The following TMEM178B variants were observed in gnomAD, a reference collection of about 807,000 sequenced individuals.
The protein encoded by TMEM178B is transmembrane protein 178B.
A neutral mutation model predicts 31.0 loss-of-function variants in TMEM178B; 5 were observed. The observed-to-expected ratio is 0.16, with a 90% confidence interval of 0.08 to 0.34. The LOEUF is 0.34. Ranked by LOEUF, TMEM178B falls within the 10% of genes least tolerant of loss-of-function variation. The probability of loss-of-function intolerance (pLI) is 1.00; values close to 1 mark genes in which losing one functional copy is unlikely to be tolerated. For synonymous variants in TMEM178B, 164 were observed against 164.0 expected, an observed-to-expected ratio of 1.00 and a Z score of 0.00; for missense variants, 275 against 400.3, an observed-to-expected ratio of 0.69 and a Z score of 2.67.
chr7:141,213,416 G>A (rs569075920), intron 2 of TMEM178B, among the ~76,000 whole-genome samples: 3 of 152,278 alleles, frequency 2.0e-5, no homozygotes, highest in East Asian at 3.9e-4. Context: ...TCTGTGGCAG[G>A]AGAGCTCTGC....
At chr7:141,331,877 A>T (rs373903287) in intron 2 of TMEM178B, among the ~76,000 whole-genome samples, 23 of 151,726 alleles carry the variant, frequency 1.5e-4, no homozygotes, top group African/African-American at 5.6e-4. Context: ...TCTCTTTGTA[A>T]CTCTCTTTGT....
intron 1 of TMEM178B, among the ~76,000 whole-genome samples, chr7:141,207,544 T>C (rs1341883625): frequency 6.6e-6 from 1 of 152,242 alleles, no homozygotes; most frequent in African/African-American, 2.4e-5. Context: ...TGATTAGTGA[T>C]GTTGGGCATC....
chr7:141,350,168 A>C (rs1799694908), intron 2 of TMEM178B, among the ~76,000 whole-genome samples: 1 of 152,142 alleles, frequency 6.6e-6, no homozygotes, highest in Admixed American at 6.5e-5. Context: ...AAACACAAGA[A>C]AACCAGTTGA....
intron 2 of TMEM178B, among the ~76,000 whole-genome samples, chr7:141,289,177 C>T (rs1798501278): frequency 1.3e-5 from 2 of 152,112 alleles, no homozygotes; most frequent in Non-Finnish European, 2.9e-5. Flanking sequence ...CATGCCTTTG[C>T]CAAGACATGG....
At chr7:141,434,782 C>T (rs1427150888) in intron 2 of TMEM178B, among the ~76,000 whole-genome samples, 1 of 152,306 alleles carries the variant, frequency 6.6e-6, no homozygotes, top group South Asian at 2.1e-4. Context: ...ACACCCGTCC[C>T]AGCCTCTGGT....
chr7:141,085,580 C>G (rs1415390541), intron 1 of TMEM178B, among the ~76,000 whole-genome samples: 1 of 151,952 alleles, frequency 6.6e-6, no homozygotes, highest in African/African-American at 2.4e-5. Context: ...CCCTGCTGTT[C>G]TATATTCTGG....
intron 1 of TMEM178B, among the ~76,000 whole-genome samples, chr7:141,187,925 G>C (rs1463853238): frequency 6.6e-6 from 1 of 152,112 alleles, no homozygotes; most frequent in African/African-American, 2.4e-5. Flanking sequence ...TTCTTTTGCT[G>C]TGCAGAAGCT....
intron 1 of TMEM178B, among the ~76,000 whole-genome samples, chr7:141,194,085 C>T (rs1367287271): frequency 6.6e-6 from 1 of 152,184 alleles, no homozygotes; most frequent in African/African-American, 2.4e-5. Context: ...CCTCTCATAA[C>T]ACCTGGGAGT....
chr7:141,190,583 T>A (rs1166657039), intron 1 of TMEM178B, among the ~76,000 whole-genome samples: 1 of 152,126 alleles, frequency 6.6e-6, no homozygotes. Context: ...GGTGTTCGGA[T>A]TACAGGCAGG....
intron 2 of TMEM178B, among the ~76,000 whole-genome samples, chr7:141,423,975 A>ATT (rs35143389): frequency 1.6e-4 from 23 of 143,124 alleles, no homozygotes; most frequent in South Asian, 9.0e-4. Context: ...TGCCCAGCTA[A>ATT]TTTTTTTTTT....
intron 2 of TMEM178B, among the ~76,000 whole-genome samples, chr7:141,217,584 A>C (rs1797177941): frequency 6.6e-6 from 1 of 151,836 alleles, no homozygotes; most frequent in Non-Finnish European, 1.5e-5. Context: ...GCTTTACTTC[A>C]GCCTGGGTGA....
rs552569756 is a variant in TMEM178B at position 141,097,793 on chromosome 7, C to CTTTTTTT, written c.382+23112_382+23118dup. On this transcript the variant is annotated intron_variant, in intron 1 of 3. Transcript: ENST00000565468. ...ATGTTTCTTTTCTTTTTCTTTCTTT[C>CTTTTTTT]TTTTTTTTTTTTTTTTTGAGACAAA... is the stretch of plus-strand genomic sequence containing the variant. 1.7e-4 allele frequency among the ~76,000 whole-genome samples: 21 copies of CTTTTTTT among 125,930 alleles called. 1 individual carries two copies. The highest frequency in any genetic ancestry group is 5.1e-4 in the South Asian group (2 of 3,886). 82.6% of individuals were successfully genotyped at this position (125,930 alleles called of 152,430 possible). A position where few individuals can be genotyped will look rare whatever the true frequency, so the allele number is the denominator to read the frequency against.
chr7:141,285,152 T>TTTTTG (rs1798426843), intron 2 of TMEM178B, among the ~76,000 whole-genome samples: 1 of 97,632 alleles, frequency 1.0e-5, no homozygotes, highest in African/African-American at 4.4e-5. Context: ...GGATTCTTGT[T>TTTTTG]TCTTTTTTTT....
chr7:141,308,187 T>C (rs1290954085), intron 2 of TMEM178B, among the ~76,000 whole-genome samples: 1 of 152,168 alleles, frequency 6.6e-6, no homozygotes, highest in African/African-American at 2.4e-5. Context: ...ATTCTCTGGT[T>C]CTAAGACCCA....
At chr7:141,117,583 C>T (rs1031271531) in intron 1 of TMEM178B, among the ~76,000 whole-genome samples, 1 of 152,164 alleles carries the variant, frequency 6.6e-6, no homozygotes, top group African/African-American at 2.4e-5. Flanking sequence ...AGTCTTTGCC[C>T]ATGCCTATGT....
chr7:141,093,148 G>T (rs2129172515), intron 1 of TMEM178B, among the ~76,000 whole-genome samples: 1 of 152,256 alleles, frequency 6.6e-6, no homozygotes, highest in South Asian at 2.1e-4. Flanking sequence ...AGCTGAATTG[G>T]TAATAGATTA....
intron 1 of TMEM178B, among the ~76,000 whole-genome samples, chr7:141,181,514 C>T (rs1407835073): frequency 6.6e-6 from 1 of 152,158 alleles, no homozygotes; most frequent in Non-Finnish European, 1.5e-5. Context: ...GCTGGCTTCC[C>T]ACAGAGGGAA....
chr7:141,092,354 AGC>A (rs1347488751), intron 1 of TMEM178B, among the ~76,000 whole-genome samples: 1 of 152,172 alleles, frequency 6.6e-6, no homozygotes, highest in Non-Finnish European at 1.5e-5. Flanking sequence ...TGCAGAAGAT[AGC>A]ATGAACCTCC....
At chr7:141,354,584 C>A (rs1476475960) in intron 2 of TMEM178B, among the ~76,000 whole-genome samples, 1 of 152,184 alleles carries the variant, frequency 6.6e-6, no homozygotes, top group Non-Finnish European at 1.5e-5. Context: ...GGAGCAGTTT[C>A]TTGTATTCTT....
Sources: gnomAD v4.1 joint callset for allele counts (sites outside exome capture counted in the v4.1 genomes callset) on GRCh38, gnomAD v4.1.1 for gene constraint, MANE v1.5 for transcripts, NCBI Gene and HGNC (gene_info 2026-07-23, HGNC 2026-07-21) for gene names.